The following VPS53 variants were observed in gnomAD, a reference collection of about 807,000 sequenced individuals.
The protein encoded by VPS53 is vacuolar protein sorting-associated protein 53 homolog.
Under a neutral mutation model 107.0 loss-of-function variants are expected in VPS53, and 70 were observed. The ratio of observed to expected loss-of-function variants is 0.65; its 90% CI spans 0.54 to 0.80. The LOEUF is 0.80. Among genes scored for constraint, VPS53 ranks in the 30% least tolerant of loss-of-function variants. The pLI is 0.00. For synonymous variants in VPS53, 409 were observed against 393.3 expected (o/e 1.04, Z -0.47); for missense variants, 917 against 1,049.4 (o/e 0.87, Z 1.74).
intron 4 of VPS53, among the ~76,000 whole-genome samples, chr17:668,022 G>A (rs1971769621): frequency 6.6e-6 from 1 of 152,166 alleles, no homozygotes; most frequent in Non-Finnish European, 1.5e-5. Flanking sequence ...TGGAAAAACT[G>A]TCTTCCAAAA....
At chr17:630,364 C>A (rs947611269) in intron 8 of VPS53, among the ~76,000 whole-genome samples, 1 of 151,984 alleles carries the variant, frequency 6.6e-6, no homozygotes, top group Admixed American at 6.6e-5. Context: ...CTAACCTTGT[C>A]CTAAGAAGAG....
chr17:538,915 C>T lies in VPS53; in HGVS notation c.1867-1739G>A, dbSNP rs554639193. On this transcript the variant is annotated intron_variant, in intron 17 of 21. Transcript: ENST00000437048. The stretch of plus-strand genomic sequence containing the variant: ...TATCTTACGCAAGAGGCTTCTTTTT[C>T]CATTTGATTTTGAAGATTTGACCCA... 49 of 152,266 alleles carry T rather than the reference C, an allele frequency of 3.2e-4. 1 individual carries two copies. Among genetic ancestry groups the T allele is most frequent in the African/African-American group, 1.2e-3 (48 of 41,554 alleles). The allele number at this position is 152,266 out of a possible 1,614,324, so 9.4% of individuals were successfully genotyped here.
chr17:588,589 T>A (rs1967457429), intron 12 of VPS53, among the ~76,000 whole-genome samples: 2 of 152,204 alleles, frequency 1.3e-5, no homozygotes, highest in Non-Finnish European at 2.9e-5. Flanking sequence ...CCTCTTCCCT[T>A]TTTACCTTTC....
chr17:669,592 T>TAAAAAAAAAAAAAAAAAAAAAAAA lies in VPS53; in HGVS notation c.286-7698_286-7697insTTTTTTTTTTTTTTTTTTTTTTTT, dbSNP rs200157618. Among the ~76,000 whole-genome samples, 16 of 110,256 alleles carry TAAAAAAAAAAAAAAAAAAAAAAAA rather than the reference T, an allele frequency of 1.5e-4. 1 individual carries two copies. The highest frequency in any genetic ancestry group is 2.1e-4 in the Non-Finnish European group (11 of 53,574). 72.3% of individuals were successfully genotyped at this position (110,256 alleles called of 152,430 possible). A position where few individuals can be genotyped will look rare whatever the true frequency, so the allele number is the denominator to read the frequency against. On this transcript the variant is annotated intron_variant, in intron 4 of 21. Coordinates refer to ENST00000437048, the MANE Select transcript of VPS53 (RefSeq NM_001128159.3). The stretch of plus-strand genomic sequence containing the variant: ...TGGGTGACAGAGACATACTCTGTCT[T>TAAAAAAAAAAAAAAAAAAAAAAAA]AAAAAAAAAAAAAAAATTAGGCCAG...
intron 18 of VPS53, among the ~76,000 whole-genome samples, chr17:534,134 C>A (rs1909832769): frequency 6.6e-6 from 1 of 152,220 alleles, no homozygotes; most frequent in Non-Finnish European, 1.5e-5. Context: ...GCCACCGCGC[C>A]CAGCCACCTA....
chr17:696,944 C>T (rs972073818), intron 4 of VPS53, among the ~76,000 whole-genome samples: 2 of 152,080 alleles, frequency 1.3e-5, no homozygotes, highest in Admixed American at 6.6e-5. Flanking sequence ...AGGCGTGAGC[C>T]GCTGTGCCCG....
At chr17:614,401 T>G (rs1367588400) in intron 11 of VPS53, among the ~76,000 whole-genome samples, 1 of 152,248 alleles carries the variant, frequency 6.6e-6, no homozygotes, top group Non-Finnish European at 1.5e-5. Flanking sequence ...ATGACTTTTT[T>G]CCTGCTTCTC....
chr17:558,107 A>G (rs972426638), intron 15 of VPS53, among the ~76,000 whole-genome samples: 8 of 152,106 alleles, frequency 5.3e-5, no homozygotes, highest in African/African-American at 1.9e-4. Flanking sequence ...CGATCCTTCC[A>G]CCTTGGCTTC....
chr17:555,476 C>T (rs893225354), intron 15 of VPS53, among the ~76,000 whole-genome samples: 7 of 152,246 alleles, frequency 4.6e-5, no homozygotes, highest in South Asian at 2.1e-4. Context: ...GGATTACAGA[C>T]GTGAGCCACC....
intron 12 of VPS53, among the ~76,000 whole-genome samples, chr17:587,702 T>C (rs1255973528): frequency 6.6e-6 from 1 of 152,232 alleles, no homozygotes; most frequent in Non-Finnish European, 1.5e-5. Flanking sequence ...CAAATGTGAA[T>C]TCTGTCTATT....
At position 550,010 on chromosome 17, in the gene VPS53, C is replaced by T. The variant is rs192319137; in HGVS notation, c.1866+1862G>A. 3.3e-5 allele frequency among the ~76,000 whole-genome samples: 5 copies of T among 152,310 alleles called. No individual in the cohort carries two copies. In the East Asian group the frequency reaches 9.6e-4, roughly 29 times the overall value. ...CAAATTCAGACCAAATGTCTGCTTA[C>T]ACAACCTTGTGACATGGTCATTCCT... is the stretch of plus-strand genomic sequence containing the variant. On this transcript the variant is annotated intron_variant, in intron 17 of 21. Coordinates refer to ENST00000437048, the MANE Select transcript of VPS53 (RefSeq NM_001128159.3).
chr17:659,888 C>T (rs949089248), intron 5 of VPS53, among the ~76,000 whole-genome samples: 1 of 152,142 alleles, frequency 6.6e-6, no homozygotes, highest in Non-Finnish European at 1.5e-5. Flanking sequence ...CTCCCCATCC[C>T]ACAGCCTGTG....
intron 7 of VPS53, among the ~76,000 whole-genome samples, chr17:647,460 G>A (rs1158381963): frequency 6.6e-6 from 1 of 152,220 alleles, no homozygotes; most frequent in Non-Finnish European, 1.5e-5. Context: ...ATGAAGAAAA[G>A]AACAAATGAA....
At position 521,948 on chromosome 17, in the gene VPS53, C is replaced by T. The variant is rs1187018414; in HGVS notation, c.2086-210G>A. Among the ~76,000 whole-genome samples, 7 of 152,074 alleles carry T rather than the reference C, an allele frequency of 4.6e-5. No homozygotes were observed. The South Asian group carries it at 1.0e-3, about 22-fold the overall frequency. ...ACATCAAGGAGCCAGCCTATGTGTA[C>T]GTATATAAAAAACTAAATCAGGGGG... On this transcript the variant is annotated intron_variant, in intron 19 of 21. Coordinates refer to ENST00000437048, the MANE Select transcript of VPS53 (RefSeq NM_001128159.3).
At chr17:594,259 T>G (rs1055986164) in intron 12 of VPS53, among the ~76,000 whole-genome samples, 82 of 152,224 alleles carry the variant, frequency 5.4e-4, no homozygotes, top group Non-Finnish European at 1.9e-4. Flanking sequence ...ATGGCACATG[T>G]ATACATATGT....
intron 7 of VPS53, among the ~76,000 whole-genome samples, chr17:649,957 A>C (rs1970872438): frequency 2.6e-5 from 4 of 152,248 alleles, no homozygotes; most frequent in African/African-American, 9.6e-5. Context: ...CAAGTGAAGA[A>C]TAAATTAAAA....
chr17:672,598 T>A (rs1193738501), intron 4 of VPS53, among the ~76,000 whole-genome samples: 2 of 152,112 alleles, frequency 1.3e-5, no homozygotes, highest in South Asian at 4.1e-4. Context: ...GGCTCATGGA[T>A]TAAGAGGATG....
intron 3 of VPS53, among the ~76,000 whole-genome samples, chr17:698,395 T>C (rs372133936): frequency 6.8e-6 from 1 of 146,900 alleles, no homozygotes; most frequent in Non-Finnish European, 1.5e-5. Flanking sequence ...ATCACACCAC[T>C]GCACTCTAGC....
At chr17:603,849 G>T (rs953797281) in intron 11 of VPS53, among the ~76,000 whole-genome samples, 1 of 152,144 alleles carries the variant, frequency 6.6e-6, no homozygotes, top group Non-Finnish European at 1.5e-5. Context: ...GTAATAAAGG[G>T]AATCTACCAA....
Sources: allele counts gnomAD v4.1 joint callset (sites outside exome capture counted in the v4.1 genomes callset), GRCh38; gene constraint gnomAD v4.1.1; transcripts MANE v1.5; gene names NCBI Gene and HGNC (gene_info 2026-07-23, HGNC 2026-07-21).